Variants in CYP2C19 observed in about 807,000 individuals in gnomAD.
CYP2C19 encodes cytochrome P450 2C19.
In CYP2C19, 59 loss-of-function variants were observed where a neutral mutation model predicts 40.9. That is an observed-to-expected ratio of 1.44 (90% CI 1.17 to 1.79). The LOEUF is 1.79. CYP2C19 is among the 40% of genes most tolerant of loss of function. The pLI, the probability that CYP2C19 is intolerant of heterozygous loss-of-function variation, is 0.00. For missense variants in CYP2C19, 754 were observed against 596.9 expected, an observed-to-expected ratio of 1.26 and a Z score of -2.74; for synonymous variants, 253 against 208.7, an observed-to-expected ratio of 1.21 and a Z score of -1.83.
Position 94,762,690 on chromosome 10 carries a change from A to G in CYP2C19, c.-16A>G. ...GTGCAAGCTCACGGTTGTCTTAACA[A>G]GAGGAGAAGGCTTCAATGGATCCTT... On this transcript the variant is annotated 5_prime_UTR_variant, in exon 1 of 9. Coordinates refer to ENST00000371321, the MANE Select transcript of CYP2C19 (RefSeq NM_000769.4). 6.2e-7 allele frequency: 1 copy of G among 1,611,938 alleles called. No individual in the cohort carries two copies. Among genetic ancestry groups the G allele is most frequent in the Non-Finnish European group, 8.5e-7 (1 of 1,178,988 alleles).
At chr10:94,817,617 C>T (rs1313710103) in intron 5 of CYP2C19, among the ~76,000 whole-genome samples, 4 of 145,432 alleles carry the variant, frequency 2.8e-5, no homozygotes, top group South Asian at 2.3e-4. Context: ...TCTTTTGTTG[C>T]CATTGCTTTT....
intron 6 of CYP2C19, among the ~76,000 whole-genome samples, chr10:94,827,417 C>T (rs1849246289): frequency 6.6e-6 from 1 of 151,934 alleles, no homozygotes; most frequent in Non-Finnish European, 1.5e-5. Context: ...AGGAATGTAT[C>T]CATTTCTTCT....
intron 7 of CYP2C19, among the ~76,000 whole-genome samples, chr10:94,847,896 T>C (rs1360342924): frequency 6.6e-6 from 1 of 152,230 alleles, no homozygotes; most frequent in East Asian, 1.9e-4. Flanking sequence ...TGTCTGTTCA[T>C]ATCCTTCACC....
chr10:94,849,991 C>A lies in CYP2C19; in HGVS notation c.1224C>A (p.Asp408Glu), dbSNP rs748167943. Reference protein sequence around the residue: ...NKEFPNPEMFDPRHFLDEGGN... With the variant: ...NKEFPNPEMFEPRHFLDEGGN... ...AATTTCCCAACCCAGAGATGTTTGA[C>A]CCTCGTCACTTTCTGGATGAAGGTG... The change falls in exon 8 of 9, where the codon GAC (aspartate) becomes GAA (glutamate). Residue 408 changes from aspartate to glutamate, a missense_variant. Physicochemically the swap from Asp to Glu is conservative, Grantham distance 45. Coordinates refer to ENST00000371321, the MANE Select transcript of CYP2C19 (RefSeq NM_000769.4). 2.5e-6 allele frequency: 4 copies of A among 1,613,724 alleles called. No homozygotes were observed. Among genetic ancestry groups the A allele is most frequent in the Admixed American group, 1.7e-5 (1 of 59,952 alleles).
intron 5 of CYP2C19, among the ~76,000 whole-genome samples, chr10:94,811,114 T>C (rs2134260146): frequency 6.6e-6 from 1 of 152,320 alleles, no homozygotes; most frequent in East Asian, 1.9e-4. Context: ...AAGAACATCT[T>C]TATTTTGCCT....
At position 94,833,706 on chromosome 10, in the gene CYP2C19, T is replaced by A. The variant is rs570132962; in HGVS notation, c.962-9131T>A. 7.2e-5 allele frequency among the ~76,000 whole-genome samples: 11 copies of A among 152,354 alleles called. No homozygotes were observed. The South Asian group carries it at 2.3e-3, about 32-fold the overall frequency. ...AAGTGTTTTTAATGAATTTTTATCA[T>A]GAAGGGATGTTGAATTTTATCAAAT... On this transcript the variant is annotated intron_variant, in intron 6 of 8. Transcript: ENST00000371321.
intron 5 of CYP2C19, among the ~76,000 whole-genome samples, chr10:94,818,679 C>T (rs1374006253): frequency 4.7e-4 from 70 of 148,970 alleles, no homozygotes; most frequent in South Asian, 1.3e-3. Context: ...ACTCATGATT[C>T]GGCTCTCTGT....
chr10:94,835,866 A>T (rs538238032), intron 6 of CYP2C19, among the ~76,000 whole-genome samples: 1 of 152,044 alleles, frequency 6.6e-6, no homozygotes, highest in African/African-American at 2.4e-5. Flanking sequence ...GTGTGAGGAG[A>T]TTACTTTCAA....
At position 94,842,833 on chromosome 10, in the gene CYP2C19, T is replaced by C; in HGVS notation, c.962-4T>C. 6.2e-7 allele frequency: 1 copy of C among 1,614,136 alleles called. No homozygotes were observed. The highest frequency in any genetic ancestry group is 8.5e-7 in the Non-Finnish European group (1 of 1,179,980). On this transcript the variant is annotated splice_region_variant and splice_polypyrimidine_tract_variant and intron_variant, in intron 6 of 8. Transcript: ENST00000371321. ...TCCATCAGTTCTTACTTGTGTCTTG[T>C]CAGCTAAAGTCCAGGAAGAGATTGA...
At chr10:94,795,172 G>A (rs1455971568) in intron 5 of CYP2C19, among the ~76,000 whole-genome samples, 2 of 103,502 alleles carry the variant, frequency 1.9e-5, no homozygotes, top group African/African-American at 8.0e-5. Context: ...CCCCACGACA[G>A]GCCCCAGTGT....
intron 1 of CYP2C19, among the ~76,000 whole-genome samples, chr10:94,770,799 A>G (rs920904001): frequency 2.0e-5 from 3 of 152,098 alleles, no homozygotes; most frequent in African/African-American, 4.8e-5. Flanking sequence ...CTCCTTCTAG[A>G]ACACTGGTCA....
intron 7 of CYP2C19, among the ~76,000 whole-genome samples, chr10:94,846,663 T>C (rs1849576698): frequency 1.3e-5 from 2 of 152,034 alleles, no homozygotes; most frequent in South Asian, 4.1e-4. Context: ...TTTTTTAAAC[T>C]ATTAGAATCT....
At chr10:94,834,449 TG>T (rs1331039418) in intron 6 of CYP2C19, among the ~76,000 whole-genome samples, 10 of 152,140 alleles carry the variant, frequency 6.6e-5, no homozygotes, top group African/African-American at 2.4e-4. Flanking sequence ...AACAACTTTT[TG>T]TTGCATTGAC....
At chr10:94,821,599 G>A (rs1193840963) in intron 6 of CYP2C19, among the ~76,000 whole-genome samples, 1 of 152,046 alleles carries the variant, frequency 6.6e-6, no homozygotes, top group East Asian at 1.9e-4. Context: ...ATTTTTGGGG[G>A]GGCCAATAAT....
chr10:94,781,392 G>A (rs1848476874), intron 4 of CYP2C19, among the ~76,000 whole-genome samples: 1 of 152,098 alleles, frequency 6.6e-6, no homozygotes, highest in Non-Finnish European at 1.5e-5. Flanking sequence ...CAATTTCAGA[G>A]GCTGCTTGAT....
intron 5 of CYP2C19, among the ~76,000 whole-genome samples, chr10:94,800,011 A>G (rs1053001554): frequency 3.9e-5 from 6 of 152,136 alleles, no homozygotes; most frequent in Admixed American, 3.3e-4. Context: ...CTGTCAACTC[A>G]TCAAAGTCAT....
At chr10:94,807,388 T>A (rs1848849718) in intron 5 of CYP2C19, among the ~76,000 whole-genome samples, 1 of 152,146 alleles carries the variant, frequency 6.6e-6, no homozygotes, top group African/African-American at 2.4e-5. Context: ...TATAACAGTA[T>A]CTTTTCATCT....
intron 7 of CYP2C19, among the ~76,000 whole-genome samples, chr10:94,848,214 T>G (rs1436287910): frequency 6.6e-6 from 1 of 152,238 alleles, no homozygotes; most frequent in Non-Finnish European, 1.5e-5. Flanking sequence ...GTTTTAGGTC[T>G]AACATTTAAG....
intron 5 of CYP2C19, among the ~76,000 whole-genome samples, chr10:94,799,163 G>A (rs1191982830): frequency 1.3e-5 from 2 of 151,838 alleles, no homozygotes; most frequent in African/African-American, 2.4e-5. Flanking sequence ...TCCATGTTTA[G>A]TGCTTCCTTC....
Sources: allele counts gnomAD v4.1 joint callset (sites outside exome capture counted in the v4.1 genomes callset), GRCh38; gene constraint gnomAD v4.1.1; transcripts MANE v1.5; gene names NCBI Gene and HGNC (gene_info 2026-07-23, HGNC 2026-07-21).